TNFSF4: variants seen among roughly 807,000 people sequenced by gnomAD.
The protein encoded by TNFSF4 is tumor necrosis factor ligand superfamily member 4.
A neutral mutation model predicts 7.3 loss-of-function variants in TNFSF4; 4 were observed. That is an observed-to-expected ratio of 0.55 (90% CI 0.27 to 1.25). TNFSF4 has a LOEUF of 1.25. TNFSF4 is among the 50% of genes most tolerant of loss of function. TNFSF4 has a pLI of 0.12. For synonymous variants in TNFSF4, 76 were observed against 83.7 expected (o/e 0.91, Z 0.50); for missense variants, 181 against 208.8 (o/e 0.87, Z 0.82).
chr1:173,383,482 T>G, the TNFSF4 span, among the ~76,000 whole-genome samples: 6 of 152,228 alleles, frequency 3.9e-5, no homozygotes, highest in Non-Finnish European at 5.9e-5. Flanking sequence ...TATGTCTGTC[T>G]GTGGTTTGTA....
chr1:173,399,722 A>G, the TNFSF4 span, among the ~76,000 whole-genome samples: 1 of 152,240 alleles, frequency 6.6e-6, no homozygotes, highest in East Asian at 1.9e-4. Context: ...TTCTGTTGAT[A>G]CCAGTCAGCC....
chr1:173,332,551 T>A, the TNFSF4 span, among the ~76,000 whole-genome samples: 2 of 149,030 alleles, frequency 1.3e-5, no homozygotes, highest in Non-Finnish European at 3.0e-5. Context: ...AATTAATTAA[T>A]TAAATAAAAT....
chr1:173,356,903 C>A, the TNFSF4 span, among the ~76,000 whole-genome samples: 2 of 152,092 alleles, frequency 1.3e-5, no homozygotes, highest in East Asian at 1.9e-4. Context: ...AGTATAAGTA[C>A]CTGCATTGCC....
the TNFSF4 span, among the ~76,000 whole-genome samples, chr1:173,281,800 C>G: frequency 4.0e-3 from 605 of 152,248 alleles, 5 homozygotes; most frequent in African/African-American, 0.014. Flanking sequence ...AATACATTAT[C>G]TCATTTAATA....
At chr1:173,245,780 T>C in the TNFSF4 span, among the ~76,000 whole-genome samples, 1 of 152,214 alleles carries the variant, frequency 6.6e-6, no homozygotes, top group Non-Finnish European at 1.5e-5. Context: ...ACCAATATTT[T>C]ACTCTGTACT....
chr1:173,328,724 T>C, the TNFSF4 span, among the ~76,000 whole-genome samples: 145 of 152,176 alleles, frequency 9.5e-4, 1 homozygote, highest in South Asian at 1.7e-3. Context: ...GACGAAAACG[T>C]AGATTTATTT....
At chr1:173,200,790 C>T (rs1649911328) in intron 1 of TNFSF4, among the ~76,000 whole-genome samples, 1 of 152,176 alleles carries the variant, frequency 6.6e-6, no homozygotes, top group African/African-American at 2.4e-5. Context: ...CTCACTTCCC[C>T]ACCTGTACAA....
At chr1:173,228,646 T>G in the TNFSF4 span, among the ~76,000 whole-genome samples, 26 of 152,288 alleles carry the variant, frequency 1.7e-4, no homozygotes, top group African/African-American at 6.3e-4. Flanking sequence ...AAAGGAGGAA[T>G]TTTGAACCCA....
chr1:173,364,400 T>C, the TNFSF4 span, among the ~76,000 whole-genome samples: 9 of 149,106 alleles, frequency 6.0e-5, no homozygotes, highest in African/African-American at 1.2e-4. Flanking sequence ...TATATATATA[T>C]ATACACACAC....
chr1:173,363,498 T>A, the TNFSF4 span: 1 of 436,234 alleles, frequency 2.3e-6, no homozygotes, highest in Non-Finnish European at 4.6e-6. Flanking sequence ...TCATTTCAAG[T>A]TCCAAGCATC....
At chr1:173,297,760 A>G in the TNFSF4 span, among the ~76,000 whole-genome samples, 1 of 151,982 alleles carries the variant, frequency 6.6e-6, no homozygotes, top group East Asian at 1.9e-4. Context: ...GGTTGTTGGA[A>G]GGAAGAATAC....
At chr1:173,350,706 A>G in the TNFSF4 span, among the ~76,000 whole-genome samples, 2 of 152,214 alleles carry the variant, frequency 1.3e-5, no homozygotes, top group South Asian at 4.1e-4. Context: ...TCTAGATGCA[A>G]CATCTAAAAT....
At chr1:173,200,663 T>A (rs1277017435) in intron 1 of TNFSF4, among the ~76,000 whole-genome samples, 1 of 152,240 alleles carries the variant, frequency 6.6e-6, no homozygotes, top group African/African-American at 2.4e-5. Flanking sequence ...ATCATTTTTG[T>A]AATATTGTCA....
the TNFSF4 span, among the ~76,000 whole-genome samples, chr1:173,307,696 T>C: frequency 6.6e-6 from 1 of 151,860 alleles, no homozygotes; most frequent in East Asian, 1.9e-4. Flanking sequence ...GGACATGATA[T>C]ACTAATATAA....
At chr1:173,393,064 G>A in the TNFSF4 span, among the ~76,000 whole-genome samples, 9 of 152,156 alleles carry the variant, frequency 5.9e-5, no homozygotes, top group South Asian at 1.2e-3. Context: ...GAATCGAGGT[G>A]GAGTGGGGGC....
At chr1:173,414,948 AG>A in the TNFSF4 span, among the ~76,000 whole-genome samples, 2,281 of 152,314 alleles carry the variant, frequency 0.015, 66 homozygotes, top group African/African-American at 0.053. Flanking sequence ...GCCAAGTTTT[AG>A]CAATGAATCT....
chr1:173,334,538 C>T, the TNFSF4 span, among the ~76,000 whole-genome samples: 1 of 152,302 alleles, frequency 6.6e-6, no homozygotes, highest in South Asian at 2.1e-4. Context: ...AACATAGAAT[C>T]TCATCCTGCA....
At chr1:173,319,606 G>A in the TNFSF4 span, among the ~76,000 whole-genome samples, 2 of 152,218 alleles carry the variant, frequency 1.3e-5, no homozygotes, top group Non-Finnish European at 2.9e-5. Flanking sequence ...ATACAGGAGA[G>A]TTCCATCTGG....
the TNFSF4 span, among the ~76,000 whole-genome samples, chr1:173,294,406 T>C: frequency 6.6e-6 from 1 of 151,862 alleles, no homozygotes; most frequent in African/African-American, 2.4e-5. Flanking sequence ...AAACATTAAG[T>C]ACACTCAGAC....
Sources: allele counts gnomAD v4.1 joint callset (sites outside exome capture counted in the v4.1 genomes callset), GRCh38; gene constraint gnomAD v4.1.1; transcripts MANE v1.5; gene names NCBI Gene and HGNC (gene_info 2026-07-23, HGNC 2026-07-21).